Variants in EIF4G3 observed in about 807,000 individuals in gnomAD.
EIF4G3 encodes eIF-4-gamma 3.
A neutral mutation model predicts 186.4 loss-of-function variants in EIF4G3; 34 were observed. The observed-to-expected ratio is 0.18, with a 90% CI of 0.14 to 0.24. The LOEUF (loss-of-function observed/expected upper bound fraction) is 0.24, where lower values mean the gene tolerates loss of function less well. Ranked by LOEUF, EIF4G3 falls within the 10% of genes least tolerant of loss-of-function variation. The pLI, the probability that EIF4G3 is intolerant of heterozygous loss-of-function variation, is 1.00. For synonymous variants in EIF4G3, 673 were observed against 679.5 expected (o/e 0.99, Z 0.15); for missense variants, 1,536 against 1,948.5 (o/e 0.79, Z 3.99).
intron 3 of EIF4G3, among the ~76,000 whole-genome samples, chr1:21,054,611 T>TA (rs2094478329): frequency 6.6e-6 from 1 of 152,188 alleles, no homozygotes; most frequent in African/African-American, 2.4e-5. Context: ...AATTCATCAT[T>TA]AGACATATTC....
At position 20,886,239 on chromosome 1, in the gene EIF4G3, C is replaced by G; in HGVS notation, c.2386G>C (p.Asp796His). ...TTTTCGGGATCATCGGCTTGGCTGT[C>G]TCGTTTTTGGCTTGGCTTCCAGGCA... ...ENAWKPSQKRDSQADDPENIK... is the reference protein window; with the variant it reads ...ENAWKPSQKRHSQADDPENIK... Residue 796 changes from aspartate to histidine, a missense_variant, in exon 19 of 37, where the codon GAC (aspartate) becomes CAC (histidine). By Grantham distance (81) the Asp-to-His change is moderately conservative. This residue lies in a region of EIF4G3 where 139 missense variants were observed against 192.8 expected (regional missense o/e 0.72). Transcript: ENST00000602326. 6.2e-7 allele frequency: 1 copy of G among 1,613,856 alleles called. No individual in the cohort carries two copies. The highest frequency in any genetic ancestry group is 8.5e-7 in the Non-Finnish European group (1 of 1,179,886).
At position 21,091,469 on chromosome 1, in the gene EIF4G3, A is replaced by C. The variant is rs72654834; in HGVS notation, c.-271-2256T>G. 6.9e-3 allele frequency among the ~76,000 whole-genome samples: 1,057 copies of C among 152,262 alleles called. 4 individuals are homozygous for C. Among genetic ancestry groups the C allele is most frequent in the Middle Eastern group, 0.017 (5 of 294 alleles). On this transcript the variant is annotated intron_variant, in intron 2 of 36. Transcript: ENST00000602326. ...AGCCACCGCACCTGACCATAGCTACAGTCTTTTAACATTACTTCTGAACCA... is the reference window on the plus strand; with the variant it reads ...AGCCACCGCACCTGACCATAGCTACCGTCTTTTAACATTACTTCTGAACCA...
At chr1:20,992,385 C>A (rs944860487) in intron 7 of EIF4G3, among the ~76,000 whole-genome samples, 1 of 152,050 alleles carries the variant, frequency 6.6e-6, no homozygotes, top group Admixed American at 6.6e-5. Context: ...AGTAAAGAAA[C>A]CTTTAGGGAT....
At position 21,145,555 on chromosome 1, in the gene EIF4G3, C is replaced by G. The variant is rs536728456; in HGVS notation, c.-272+30620G>C. ...AGTGGGATTACTGGTTTGAGTCACC[C>G]CACCTAGCTATGCTACGTGTTTTAT... On this transcript the variant is annotated intron_variant, in intron 2 of 36. Coordinates refer to ENST00000602326, the MANE Select transcript of EIF4G3 (RefSeq NM_001391906.1). 1.2e-3 allele frequency among the ~76,000 whole-genome samples: 190 copies of G among 152,068 alleles called. 1 individual carries two copies. Among genetic ancestry groups the G allele is most frequent in the African/African-American group, 4.3e-3 (180 of 41,460 alleles).
At position 20,867,016 on chromosome 1, in the gene EIF4G3, T is replaced by C. The variant is rs2077706207; in HGVS notation, c.2623-1754A>G. Among the ~76,000 whole-genome samples the C allele has an allele frequency of 2.0e-5, 3 of 152,224 alleles. No individual in the cohort carries two copies. The South Asian group carries it at 6.2e-4, about 32-fold the overall frequency. ...AGAGAGAAATGAGGACAACAAACAA[T>C]ATGAAAATCTAAGCCACTGCCATAT... On this transcript the variant is annotated intron_variant, in intron 20 of 36. Transcript: ENST00000602326.
At chr1:21,122,962 T>A (rs1002649842) in intron 2 of EIF4G3, among the ~76,000 whole-genome samples, 10 of 152,152 alleles carry the variant, frequency 6.6e-5, no homozygotes, top group Non-Finnish European at 1.3e-4. Context: ...GGTTGGAACA[T>A]GAATGTAAGG....
Position 20,854,968 on chromosome 1 carries a change from A to G in EIF4G3, c.3433+10T>C, listed in dbSNP as rs2074459490. 1.2e-6 allele frequency: 2 copies of G among 1,611,526 alleles called. No homozygotes were observed. The highest frequency in any genetic ancestry group is 1.7e-6 in the Non-Finnish European group (2 of 1,178,116). ...CACAGCCAGGTTTGAGAAGGGACAC[A>G]CACACTTACCAGTCTCACTTGCCTT... On this transcript the variant is annotated intron_variant, in intron 26 of 36. Transcript: ENST00000602326.
chr1:21,155,467 G>C (rs1258068841), intron 2 of EIF4G3, among the ~76,000 whole-genome samples: 1 of 152,038 alleles, frequency 6.6e-6, no homozygotes, highest in African/African-American at 2.4e-5. Flanking sequence ...TCAAATTAAT[G>C]ATTTCACAGT....
chr1:20,978,100 T>C (rs1291499758), intron 10 of EIF4G3, among the ~76,000 whole-genome samples: 1 of 152,202 alleles, frequency 6.6e-6, no homozygotes, highest in Non-Finnish European at 1.5e-5. Flanking sequence ...TTGTTTTCTA[T>C]TTAAAAAATT....
intron 33 of EIF4G3, among the ~76,000 whole-genome samples, chr1:20,818,727 T>C (rs1056060937): frequency 2.0e-5 from 3 of 152,194 alleles, no homozygotes; most frequent in African/African-American, 7.2e-5. Context: ...CCTTGCTTTA[T>C]GTGGCTTCAT....
intron 4 of EIF4G3, among the ~76,000 whole-genome samples, chr1:21,038,278 T>A (rs761769050): frequency 9.2e-5 from 14 of 152,206 alleles, no homozygotes; most frequent in Non-Finnish European, 1.0e-4. Flanking sequence ...CCAGGACCAG[T>A]TCCCCCAAGA....
intron 2 of EIF4G3, among the ~76,000 whole-genome samples, chr1:21,094,740 T>C (rs2096309945): frequency 2.7e-5 from 4 of 148,414 alleles, no homozygotes; most frequent in Admixed American, 2.0e-4. Flanking sequence ...CTGCACGTTG[T>C]GCACATGTAC....
At chr1:20,979,668 T>C (rs12021529) in intron 10 of EIF4G3, among the ~76,000 whole-genome samples, 59,724 of 151,930 alleles carry the variant, frequency 0.39, 12,471 homozygotes, top group Middle Eastern at 0.52. Flanking sequence ...CCAGTAGAAT[T>C]ATCAGCTTGT....
At position 20,857,276 on chromosome 1, in the gene EIF4G3, T is replaced by G. The variant is rs1037241509; in HGVS notation, c.3339+127A>C. Reference sequence around the variant, plus strand: ...CCACCCCATGGATTTGCAATATTGCTGTTTTACTTTAATAAGTACTTTTGA... The same window carrying G: ...CCACCCCATGGATTTGCAATATTGCGGTTTTACTTTAATAAGTACTTTTGA... On this transcript the variant is annotated intron_variant, in intron 25 of 36. Coordinates refer to ENST00000602326, the MANE Select transcript of EIF4G3 (RefSeq NM_001391906.1). The G allele has an allele frequency of 5.0e-5, 37 of 744,834 alleles. No homozygotes were observed. In the Middle Eastern group the frequency reaches 8.4e-4, roughly 17 times the overall value. The allele number at this position is 744,834 out of a possible 1,614,324, so 46.1% of individuals were successfully genotyped here.
chr1:21,049,966 T>C (rs2094119163), intron 4 of EIF4G3, among the ~76,000 whole-genome samples: 2 of 152,192 alleles, frequency 1.3e-5, no homozygotes, highest in African/African-American at 4.8e-5. Context: ...CCTTAACTTA[T>C]AATCACCACC....
In EIF4G3 at chr1:20,807,372, T is replaced by C; in HGVS notation, c.4873A>G (p.Thr1625Ala). 1.9e-6 allele frequency: 3 copies of C among 1,610,810 alleles called. No individual in the cohort carries two copies. Among genetic ancestry groups the C allele is most frequent in the African/African-American group, 1.3e-5 (1 of 75,008 alleles). The change falls in exon 37 of 37, where the codon ACG becomes GCG. Residue 1625 changes from threonine (T) to alanine (A), a missense_variant. Thr to Ala is a moderately conservative substitution (Grantham distance 58). Around this residue, in one of 11 missense-constraint regions of EIF4G3, gnomAD observed 45 missense variants for 99.1 expected, o/e 0.45. Transcript: ENST00000602326. ...TCCCGCAGCCACGTGAAGAATGCCGTGACAGATTTCAGAGCCACGCCCTTC... is the reference window on the plus strand; with the variant it reads ...TCCCGCAGCCACGTGAAGAATGCCGCGACAGATTTCAGAGCCACGCCCTTC... Reference protein sequence around the residue: ...NGKGVALKSVTAFFTWLREAE... With the variant: ...NGKGVALKSVAAFFTWLREAE...
At chr1:21,123,615 G>A (rs2096967461) in intron 2 of EIF4G3, among the ~76,000 whole-genome samples, 1 of 151,682 alleles carries the variant, frequency 6.6e-6, no homozygotes, top group Non-Finnish European at 1.5e-5. Flanking sequence ...AGAGCATTTG[G>A]GCCAAAAACT....
rs6659152 is a variant in EIF4G3, at chr1:21,029,348, C to T, written c.-67+21518G>A. Among the ~76,000 whole-genome samples the T allele has an allele frequency of 5.9e-3, 893 of 151,762 alleles. 31 individuals carry two copies. The East Asian group carries it at 0.11, about 19-fold the overall frequency. On this transcript the variant is annotated intron_variant, in intron 4 of 36. Transcript: ENST00000602326. ...ATCATAAAGTTTTAATTAGACTCCA[C>T]GAACACAGGTAATGGAATTTCCAAA...
chr1:20,851,244 G>C lies in EIF4G3; in HGVS notation c.3772+14C>G. The C allele has an allele frequency of 6.2e-7, 1 of 1,612,436 alleles. No homozygotes were observed. Among genetic ancestry groups the C allele is most frequent in the East Asian group, 2.2e-5 (1 of 44,852 alleles). Reference sequence around the variant, plus strand: ...AAAACCCAAATCTGCATCTGTTTAAGCCAAGTCTCTCACCTGACTCCCTTG... The same window carrying C: ...AAAACCCAAATCTGCATCTGTTTAACCCAAGTCTCTCACCTGACTCCCTTG... On this transcript the variant is annotated intron_variant, in intron 28 of 36. Coordinates refer to ENST00000602326, the MANE Select transcript of EIF4G3 (RefSeq NM_001391906.1).
Sources: gnomAD v4.1 joint callset for allele counts (sites outside exome capture counted in the v4.1 genomes callset) on GRCh38, gnomAD v4.1.1 for gene constraint, gnomAD v4.1.1 regional missense constraint, MANE v1.5 for transcripts, NCBI Gene and HGNC (gene_info 2026-07-23, HGNC 2026-07-21) for gene names.